MYO5B: variants seen among roughly 807,000 people sequenced by gnomAD.
MYO5B encodes unconventional myosin-Vb.
MYO5B carries 143 observed loss-of-function variants against 229.3 expected under a neutral mutation model. The ratio of observed to expected loss-of-function variants is 0.62; its 90% CI spans 0.54 to 0.72. The LOEUF (loss-of-function observed/expected upper bound fraction) is 0.72, where lower values mean the gene tolerates loss of function less well. Among genes scored for constraint, MYO5B ranks in the 30% least tolerant of loss-of-function variants. The pLI is 0.00. For missense variants in MYO5B, 2,321 were observed against 2,331.0 expected, an observed-to-expected ratio of 1.00 and a Z score of 0.09; for synonymous variants, 918 against 885.2, an observed-to-expected ratio of 1.04 and a Z score of -0.66.
At chr18:50,132,195 A>T (rs369402291) in intron 1 of MYO5B, among the ~76,000 whole-genome samples, 1 of 152,342 alleles carries the variant, frequency 6.6e-6, no homozygotes, top group African/African-American at 2.4e-5. Flanking sequence ...CCGCTTTGAA[A>T]CAGTGGCCAC....
intron 4 of MYO5B, among the ~76,000 whole-genome samples, chr18:50,007,821 G>A (rs2026119125): frequency 6.6e-6 from 1 of 152,126 alleles, no homozygotes; most frequent in Non-Finnish European, 1.5e-5. Flanking sequence ...ATGCTCAAAT[G>A]GTTTATGAGA....
intron 4 of MYO5B, among the ~76,000 whole-genome samples, chr18:50,009,710 T>C (rs73442597): frequency 0.012 from 1,820 of 152,282 alleles, 34 homozygotes; most frequent in African/African-American, 0.041. Flanking sequence ...TATTCTAACA[T>C]TCAAGGGCTT....
intron 32 of MYO5B, among the ~76,000 whole-genome samples, 162 bp downstream of exon 32, chr18:49,849,405 G>A (rs2024171146): frequency 6.6e-6 from 1 of 152,180 alleles, no homozygotes; most frequent in Non-Finnish European, 1.5e-5. Flanking sequence ...AGATGGGTAA[G>A]CTCATGGGAT....
chr18:49,999,431 T>C (rs2144324037), intron 5 of MYO5B, among the ~76,000 whole-genome samples: 1 of 152,366 alleles, frequency 6.6e-6, no homozygotes, highest in East Asian at 1.9e-4. Flanking sequence ...TCAGACTAAA[T>C]GCTGGAGTAA....
At chr18:50,040,109 C>G in intron 3 of MYO5B, 34 bp downstream of exon 3, 1 of 1,612,340 alleles carries the variant, frequency 6.2e-7, no homozygotes, top group Non-Finnish European at 8.5e-7. Context: ...AAGCACTTTC[C>G]AACGCATGCA....
Position 50,194,832 on chromosome 18 carries a change from T to C in MYO5B, c.-39A>G. The C allele has an allele frequency of 7.7e-7, 1 of 1,295,250 alleles. No individual in the cohort carries two copies. The highest frequency in any genetic ancestry group is 9.7e-7 in the Non-Finnish European group (1 of 1,027,048). 80.2% of individuals were successfully genotyped at this position (1,295,250 alleles called of 1,614,324 possible). ...CGGGGCTCGGGCCCCGGCTCCTGGC[T>C]GCCCCGCGGCTCTCAGTCCGCGGCT... On this transcript the variant is annotated 5_prime_UTR_variant, in exon 1 of 40. Coordinates refer to ENST00000285039, the MANE Select transcript of MYO5B (RefSeq NM_001080467.3).
At chr18:50,187,347 A>T (rs540937876) in intron 1 of MYO5B, among the ~76,000 whole-genome samples, 1 of 152,346 alleles carries the variant, frequency 6.6e-6, no homozygotes, top group Non-Finnish European at 1.5e-5. Context: ...GATCAAAGTG[A>T]TCCGTCAGTA....
chr18:49,944,839 G>A (rs1170839999), intron 14 of MYO5B, among the ~76,000 whole-genome samples: 5 of 152,054 alleles, frequency 3.3e-5, no homozygotes, highest in Non-Finnish European at 7.4e-5. Context: ...GGCATCCACA[G>A]ACAGACACCG....
In MYO5B at chr18:49,892,542, G is replaced by C. The variant is rs549363175; in HGVS notation, c.3045+2399C>G. 7.9e-5 allele frequency among the ~76,000 whole-genome samples: 12 copies of C among 152,270 alleles called. No individual in the cohort carries two copies. The South Asian group carries it at 2.3e-3, about 29-fold the overall frequency. The stretch of plus-strand genomic sequence containing the variant: ...GTCGGCCCCCTCACTGTGCTTGGCT[G>C]GTCTCATCAATCTCGCTCAAAGCAG... On this transcript the variant is annotated intron_variant, in intron 22 of 39. Transcript: ENST00000285039.
chr18:50,062,067 T>C (rs965583436), intron 1 of MYO5B, among the ~76,000 whole-genome samples: 6 of 152,160 alleles, frequency 3.9e-5, no homozygotes, highest in African/African-American at 1.4e-4. Flanking sequence ...TCCTCCACTG[T>C]CTACCCCACT....
intron 1 of MYO5B, among the ~76,000 whole-genome samples, chr18:50,074,604 G>A (rs2031035399): frequency 6.6e-6 from 1 of 152,140 alleles, no homozygotes; most frequent in Non-Finnish European, 1.5e-5. Context: ...CTGGCTCAGG[G>A]AGTCTCACAA....
chr18:49,875,662 A>C, intron 26 of MYO5B, 25 bp downstream of exon 26: 1 of 1,613,976 alleles, frequency 6.2e-7, no homozygotes, highest in Non-Finnish European at 8.5e-7. Context: ...AAGCACCATA[A>C]GAGCACTGCA....
intron 1 of MYO5B, among the ~76,000 whole-genome samples, chr18:50,121,722 GC>G (rs1309654589): frequency 6.6e-6 from 1 of 152,078 alleles, no homozygotes; most frequent in Non-Finnish European, 1.5e-5. Flanking sequence ...AGACCCTATA[GC>G]CCCACAAACC....
chr18:50,073,074 G>A (rs1290756132), intron 1 of MYO5B, among the ~76,000 whole-genome samples: 1 of 152,186 alleles, frequency 6.6e-6, no homozygotes, highest in Non-Finnish European at 1.5e-5. Context: ...CTTCACACAG[G>A]AGAAGCCAGA....
rs988615057 is a variant in MYO5B, at chr18:49,902,600, A to G, written c.2805T>C (p.Asp935=). 3 of 1,612,070 alleles carry G rather than the reference A, an allele frequency of 1.9e-6. No individual in the cohort carries two copies. In the African/African-American group the frequency reaches 4.0e-5, roughly 22 times the overall value. ...GGGAGCTGCAGACACTGACCTGCTC[A>G]TCGATCTTCCGCTGCAGCTGGACCA... ...NKVVQLQRKI[D]EQNKEFKTLS... is the part of the protein sequence containing the mutation. Residue 935 remains aspartate (D), a synonymous_variant, in exon 21 of 40, where the codon GAT becomes GAC. Transcript: ENST00000285039.
intron 10 of MYO5B, among the ~76,000 whole-genome samples, chr18:49,966,182 A>C (rs2025623447): frequency 6.6e-6 from 1 of 152,052 alleles, no homozygotes; most frequent in Admixed American, 6.5e-5. Context: ...GGCTTCTCCC[A>C]CCCTGGTGCT....
intron 27 of MYO5B, among the ~76,000 whole-genome samples, chr18:49,865,972 C>T (rs753800009): frequency 6.6e-6 from 1 of 152,220 alleles, no homozygotes; most frequent in Non-Finnish European, 1.5e-5. Flanking sequence ...CCCACAGGTT[C>T]ACTACCATTC....
intron 29 of MYO5B, among the ~76,000 whole-genome samples, chr18:49,862,085 C>T (rs1568614531): frequency 6.6e-6 from 1 of 150,700 alleles, no homozygotes; most frequent in Non-Finnish European, 1.5e-5. Context: ...GCAACCTCCG[C>T]CTCCTGGGTT....
chr18:49,865,860 T>C (rs2024389572), intron 27 of MYO5B, among the ~76,000 whole-genome samples: 1 of 152,114 alleles, frequency 6.6e-6, no homozygotes, highest in African/African-American at 2.4e-5. Flanking sequence ...CTGTGACATT[T>C]CTATTTATCC....
Sources: gnomAD v4.1 joint callset for allele counts (sites outside exome capture counted in the v4.1 genomes callset) on GRCh38, gnomAD v4.1.1 for gene constraint, MANE v1.5 for transcripts, NCBI Gene and HGNC (gene_info 2026-07-23, HGNC 2026-07-21) for gene names.